CCDC110: variants seen among roughly 807,000 people sequenced by gnomAD.
CCDC110 encodes coiled-coil domain-containing protein 110.
CCDC110 carries 70 observed loss-of-function variants against 77.1 expected under a neutral mutation model. The observed-to-expected ratio is 0.91, with a 90% CI of 0.75 to 1.11. The LOEUF (loss-of-function observed/expected upper bound fraction) is 1.11. CCDC110 is among the 50% of genes least tolerant of loss of function. The pLI is 0.00. For synonymous variants in CCDC110, 295 were observed against 312.5 expected, an observed-to-expected ratio of 0.94 and a Z score of 0.59; for missense variants, 868 against 942.9, an observed-to-expected ratio of 0.92 and a Z score of 1.04.
rs376922358 is a variant in CCDC110, at chr4:185,459,159, A to G, written c.1428T>C (p.Tyr476=). Residue 476 remains tyrosine (Y), a synonymous_variant, in exon 6 of 7, where the codon TAT becomes TAC. Coordinates refer to ENST00000307588, the MANE Select transcript of CCDC110 (RefSeq NM_152775.4). ...TQSLIQKVET[Y]EKQLKNLVEE... is the part of the protein sequence containing the mutation. The stretch of plus-strand genomic sequence containing the variant: ...CAACCAGATTCTTAAGTTGCTTTTC[A>G]TATGTTTCAACTTTCTGTATGAGAG... 5 of 1,600,302 alleles carry G rather than the reference A, an allele frequency of 3.1e-6. No homozygotes were observed. The highest frequency in any genetic ancestry group is 1.7e-4 in the Middle Eastern group (1 of 5,990).
chr4:185,446,979 A>G (rs1170742920), intron 6 of CCDC110, among the ~76,000 whole-genome samples: 3 of 151,636 alleles, frequency 2.0e-5, no homozygotes, highest in Admixed American at 6.6e-5. Flanking sequence ...CTTTTAACCT[A>G]CTCTACTACA....
At chr4:185,465,713 A>G (rs2095654355) in intron 2 of CCDC110, among the ~76,000 whole-genome samples, 3 of 152,210 alleles carry the variant, frequency 2.0e-5, no homozygotes, top group South Asian at 4.1e-4. Context: ...TGAGAAGGCA[A>G]TTGCAGGGCT....
chr4:185,471,055 A>G lies in CCDC110; in HGVS notation c.11-6T>C. 1 of 1,507,142 alleles carries G rather than the reference A, an allele frequency of 6.6e-7. No homozygotes were observed. Among genetic ancestry groups the G allele is most frequent in the Non-Finnish European group, 8.9e-7 (1 of 1,125,156 alleles). 93.4% of individuals were successfully genotyped at this position (1,507,142 alleles called of 1,614,324 possible). ...CTCTTCCCGGTGCTGCTTTTCTGTA[A>G]CAGAACCGTCCGGGGCTGTTCTGTC... On this transcript the variant is annotated splice_polypyrimidine_tract_variant and splice_region_variant and intron_variant, in intron 1 of 6. Coordinates refer to ENST00000307588, the MANE Select transcript of CCDC110 (RefSeq NM_152775.4).
At chr4:185,463,072 C>A (rs945006700) in intron 2 of CCDC110, 23 bp from the exon 3 acceptor site, 2 of 1,589,226 alleles carry the variant, frequency 1.3e-6, no homozygotes, top group Non-Finnish European at 8.6e-7. Flanking sequence ...ATTGAAAAAC[C>A]ATGTGACTTA....
chr4:185,461,097 A>T lies in CCDC110; in HGVS notation c.300T>A (p.Phe100Leu). Reference sequence around the variant, plus strand: ...CAAACACCAGATTTTTTTCTGAGCTAAATTGTGGGTTTTCTACTTCAATAA... The same window carrying T: ...CAAACACCAGATTTTTTTCTGAGCTTAATTGTGGGTTTTCTACTTCAATAA... Reference protein sequence around the residue: ...KSIIEVENPQFSSEKNLVFGT... With the variant: ...KSIIEVENPQLSSEKNLVFGT... Residue 100 changes from phenylalanine (F) to leucine (L), a missense_variant, in exon 5 of 7, where the codon TTT becomes TTA. Physicochemically the swap from Phe to Leu is conservative, Grantham distance 22 (BLOSUM62 0). Coordinates refer to ENST00000307588, the MANE Select transcript of CCDC110 (RefSeq NM_152775.4). 6.2e-7 allele frequency: 1 copy of T among 1,602,250 alleles called. No individual in the cohort carries two copies. Among genetic ancestry groups the T allele is most frequent in the Non-Finnish European group, 8.5e-7 (1 of 1,174,310 alleles).
rs373953734 is a variant in CCDC110 at position 185,459,896 on chromosome 4, T to G, written c.691A>C (p.Lys231Gln). 2.5e-6 allele frequency: 4 copies of G among 1,613,696 alleles called. No homozygotes were observed. Among genetic ancestry groups the G allele is most frequent in the Non-Finnish European group, 3.4e-6 (4 of 1,179,890 alleles). Reference sequence around the variant, plus strand: ...TCTAAATTTTCACAAAATCCATGCTTGAGAAAAGGCACAGTAATTTTGGAT... The same window carrying G: ...TCTAAATTTTCACAAAATCCATGCTGGAGAAAAGGCACAGTAATTTTGGAT... ...DKSKITVPFL[K>Q]HGFCENLDDI... Residue 231 changes from lysine (K) to glutamine (Q), a missense_variant, in exon 6 of 7, where the codon AAG (lysine) becomes CAG (glutamine). By Grantham distance (53) the Lys-to-Gln change is moderately conservative. Transcript: ENST00000307588.
chr4:185,470,888 C>G, intron 2 of CCDC110, 57 bp downstream of exon 2: 3 of 1,265,242 alleles, frequency 2.4e-6, no homozygotes, highest in Non-Finnish European at 3.5e-6. Flanking sequence ...GTGGCACAGG[C>G]CAGATGCTGC....
Position 185,459,493 on chromosome 4 carries a change from C to T in CCDC110, c.1094G>A (p.Gly365Asp), listed in dbSNP as rs865954691. 6.2e-7 allele frequency: 1 copy of T among 1,613,496 alleles called. No individual in the cohort carries two copies. The highest frequency in any genetic ancestry group is 8.5e-7 in the Non-Finnish European group (1 of 1,179,700). Residue 365 changes from glycine (G) to aspartate (D), a missense_variant, in exon 6 of 7, where the codon GGC (glycine) becomes GAC (aspartate). Gly to Asp is a moderately conservative substitution (Grantham distance 94, BLOSUM62 -1). Transcript: ENST00000307588. Reference sequence around the variant, plus strand: ...GAATTTTAAATCTGTAATATTTTTGCCAGTGATGGGAATTTCTTTATTGTT... The same window carrying T: ...GAATTTTAAATCTGTAATATTTTTGTCAGTGATGGGAATTTCTTTATTGTT... ...EKNNKEIPITGKNITDLKFHS... is the reference protein window; with the variant it reads ...EKNNKEIPITDKNITDLKFHS...
At chr4:185,460,947 AT>A in intron 5 of CCDC110, 101 bp downstream of exon 5, 6 of 460,444 alleles carry the variant, frequency 1.3e-5, no homozygotes, top group East Asian at 3.6e-5. Flanking sequence ...CTGATGGTCC[AT>A]TTTTCCTGTA....
Position 185,460,240 on chromosome 4 carries a change from TG to T in CCDC110, c.349-3del, listed in dbSNP as rs2095643695. ...GTTTTCTTCTTGATTCTCTGTAGGCTGTAACAATAAGAAGTACACTATAAAT... is the reference window on the plus strand; with the variant it reads ...GTTTTCTTCTTGATTCTCTGTAGGCTTAACAATAAGAAGTACACTATAAAT... On this transcript the variant is annotated splice_polypyrimidine_tract_variant and splice_region_variant and intron_variant, in intron 5 of 6. Coordinates refer to ENST00000307588, the MANE Select transcript of CCDC110 (RefSeq NM_152775.4). The T allele has an allele frequency of 6.3e-7, 1 of 1,588,348 alleles. No homozygotes were observed. The highest frequency in any genetic ancestry group is 1.7e-5 in the Admixed American group (1 of 58,022).
rs1444266529 is a variant in CCDC110, at chr4:185,459,600, C to T, written c.987G>A (p.Val329=). Reference sequence around the variant, plus strand: ...TACAAAAATGCACATGGAATTTTGACACAGTTTCCCTGAAGGGGAGTAATT... The same window carrying T: ...TACAAAAATGCACATGGAATTTTGATACAGTTTCCCTGAAGGGGAGTAATT... ...VKKLLPFRET[V]SKFHVHFCRK... The change falls in exon 6 of 7, where the codon GTG becomes GTA. Residue 329 remains valine, a synonymous_variant. Transcript: ENST00000307588. 6 of 1,613,078 alleles carry T rather than the reference C, an allele frequency of 3.7e-6. No homozygotes were observed. The Admixed American group carries it at 5.0e-5, about 13-fold the overall frequency.
chr4:185,470,211 T>C (rs1193888529), intron 2 of CCDC110, among the ~76,000 whole-genome samples: 3 of 152,242 alleles, frequency 2.0e-5, no homozygotes, highest in Non-Finnish European at 4.4e-5. Flanking sequence ...AGAAAAGGTA[T>C]ACACCCCTCC....
intron 6 of CCDC110, among the ~76,000 whole-genome samples, chr4:185,453,645 T>C (rs1436696551): frequency 6.8e-6 from 1 of 148,048 alleles, no homozygotes; most frequent in Non-Finnish European, 1.5e-5. Context: ...CCTCCCAGGC[T>C]CAAGCAATCC....
At chr4:185,464,112 T>C (rs768813677) in intron 2 of CCDC110, among the ~76,000 whole-genome samples, 1 of 152,204 alleles carries the variant, frequency 6.6e-6, no homozygotes, top group African/African-American at 2.4e-5. Flanking sequence ...AGTGTATTCA[T>C]AAAAGCTTTC....
intron 6 of CCDC110, among the ~76,000 whole-genome samples, chr4:185,446,987 A>G (rs1195005298): frequency 6.6e-6 from 1 of 151,932 alleles, no homozygotes; most frequent in Non-Finnish European, 1.5e-5. Flanking sequence ...CTACTCTACT[A>G]CATTGCTGGT....
chr4:185,463,390 T>C lies in CCDC110; in HGVS notation c.116-341A>G, dbSNP rs575327389. Among the ~76,000 whole-genome samples, 7 of 152,300 alleles carry C rather than the reference T, an allele frequency of 4.6e-5. No individual in the cohort carries two copies. The South Asian group carries it at 1.2e-3, about 27-fold the overall frequency. ...ATAATGCTCATATTATGGGAGACCC[T>C]TGGCAAAGTAGTATACAGGCCTCAA... On this transcript the variant is annotated intron_variant, in intron 2 of 6. Coordinates refer to ENST00000307588, the MANE Select transcript of CCDC110 (RefSeq NM_152775.4).
rs1427166546 is a variant in CCDC110 at position 185,468,538 on chromosome 4, T to C, written c.115+2407A>G. Among the ~76,000 whole-genome samples the C allele has an allele frequency of 6.6e-6, 1 of 152,214 alleles. No homozygotes were observed. The highest frequency in any genetic ancestry group is 2.4e-5 in the African/African-American group (1 of 41,454). ...CCCGCCTACCCTTCCCTACTTGTTC[T>C]GCTCCATTTACAAGAGCAACCGTTC... On this transcript the variant is annotated intron_variant, in intron 2 of 6. Coordinates refer to ENST00000307588, the MANE Select transcript of CCDC110 (RefSeq NM_152775.4). The surrounding 1 kb of genome is among the most constrained non-coding windows in gnomAD (Gnocchi z 4.5).
At position 185,458,468 on chromosome 4, in the gene CCDC110, T is replaced by C. The variant is rs376666132; in HGVS notation, c.2119A>G (p.Met707Val). ...TTATCTGTTTTGGTTTCCATTACCA[T>C]TTTTGATAACATTTCACATTCCTTG... is the stretch of plus-strand genomic sequence containing the variant. Reference protein sequence around the residue: ...IGKECEMLSKMVMETKTDNQI... With the variant: ...IGKECEMLSKVVMETKTDNQI... Residue 707 changes from methionine (M) to valine (V), a missense_variant, in exon 6 of 7, where the codon ATG becomes GTG. Transcript: ENST00000307588. 3.4e-5 allele frequency: 55 copies of C among 1,601,182 alleles called. No homozygotes were observed. The highest frequency in any genetic ancestry group is 1.7e-4 in the Middle Eastern group (1 of 5,992).
intron 6 of CCDC110, among the ~76,000 whole-genome samples, chr4:185,450,954 AATCTC>A (rs1316626917): frequency 2.6e-5 from 4 of 152,132 alleles, no homozygotes; most frequent in African/African-American, 9.7e-5. Context: ...TCCCCACCCA[AATCTC>A]ATCTTGAGTT....
Sources: gnomAD v4.1 joint callset for allele counts (sites outside exome capture counted in the v4.1 genomes callset) on GRCh38, gnomAD v4.1.1 for gene constraint, Gnocchi (gnomAD v3.1) non-coding constraint, MANE v1.5 for transcripts, NCBI Gene and HGNC (gene_info 2026-07-23, HGNC 2026-07-21) for gene names.